PDE11A: variants seen among roughly 807,000 people sequenced by gnomAD.
The protein encoded by PDE11A is phosphodiesterase 11A.
A neutral mutation model predicts 100.5 loss-of-function variants in PDE11A; 100 were observed. That is an observed-to-expected ratio of 1.00 (90% CI 0.85 to 1.18). The LOEUF is 1.18. Among genes scored for constraint, PDE11A ranks in the 50% most tolerant of loss-of-function variants. The pLI is 0.00. For missense variants in PDE11A, 1,141 were observed against 1,152.6 expected, an observed-to-expected ratio of 0.99 and a Z score of 0.15; for synonymous variants, 381 against 420.8, an observed-to-expected ratio of 0.91 and a Z score of 1.16.
intron 2 of PDE11A, among the ~76,000 whole-genome samples, chr2:178,102,565 T>C (rs1313254686): frequency 6.7e-6 from 1 of 149,736 alleles, no homozygotes; most frequent in Non-Finnish European, 1.5e-5. Flanking sequence ...TAAGCCACCA[T>C]GCCCAGCCAT....
chr2:178,076,291 G>A (rs1168153260), upstream of PDE11A, among the ~76,000 whole-genome samples: 2 of 152,120 alleles, frequency 1.3e-5, no homozygotes, highest in Non-Finnish European at 2.9e-5. Flanking sequence ...CAAGAATGAG[G>A]AGTTCCTTTT....
At chr2:177,936,305 T>C (rs950658093) in intron 2 of PDE11A, among the ~76,000 whole-genome samples, 3 of 152,254 alleles carry the variant, frequency 2.0e-5, no homozygotes, top group African/African-American at 7.2e-5. Flanking sequence ...TTTTGGTATT[T>C]GTGTGACAAT....
upstream of PDE11A, chr2:178,073,118 C>G (rs1288968787): frequency 1.0e-6 from 1 of 968,200 alleles, no homozygotes; most frequent in African/African-American, 1.8e-5. Context: ...GTCCGAGATA[C>G]AAGTGTTGAT....
intron 18 of PDE11A, among the ~76,000 whole-genome samples, chr2:177,665,717 TGTG>T (rs113583691): frequency 6.6e-6 from 1 of 150,998 alleles, no homozygotes; most frequent in African/African-American, 2.4e-5. Flanking sequence ...ATTAGCTGGG[TGTG>T]GTGGTGGGCA....
At chr2:177,826,266 A>G (rs1304978267) in intron 6 of PDE11A, among the ~76,000 whole-genome samples, 3 of 152,240 alleles carry the variant, frequency 2.0e-5, no homozygotes, top group Non-Finnish European at 4.4e-5. Context: ...GGAGCCATCA[A>G]CATGTACTTG....
At chr2:177,835,146 G>A (rs1018027881) in intron 6 of PDE11A, among the ~76,000 whole-genome samples, 1 of 152,154 alleles carries the variant, frequency 6.6e-6, no homozygotes, top group Non-Finnish European at 1.5e-5. Flanking sequence ...ACCCTGTCAA[G>A]GTTGCCAGGA....
At chr2:177,909,011 A>G (rs2084834142) in intron 2 of PDE11A, among the ~76,000 whole-genome samples, 1 of 152,160 alleles carries the variant, frequency 6.6e-6, no homozygotes, top group Non-Finnish European at 1.5e-5. Context: ...GCACCCCTCA[A>G]TTTAGTCCTG....
At chr2:177,780,089 T>C (rs1464163379) in intron 9 of PDE11A, among the ~76,000 whole-genome samples, 1 of 152,172 alleles carries the variant, frequency 6.6e-6, no homozygotes, top group Non-Finnish European at 1.5e-5. Flanking sequence ...AGGTGCATTG[T>C]CAATTAGCAG....
intron 3 of PDE11A, among the ~76,000 whole-genome samples, chr2:177,902,447 T>A (rs2084712165): frequency 1.3e-5 from 2 of 152,228 alleles, no homozygotes; most frequent in Non-Finnish European, 2.9e-5. Flanking sequence ...CGGATGTGTG[T>A]GACAATATCC....
intron 13 of PDE11A, among the ~76,000 whole-genome samples, chr2:177,706,405 C>T (rs1183301063): frequency 1.3e-5 from 2 of 152,206 alleles, no homozygotes; most frequent in Admixed American, 6.5e-5. Context: ...ATTTCTCCCA[C>T]AATTCCTAGC....
intron 2 of PDE11A, among the ~76,000 whole-genome samples, chr2:177,945,615 C>T (rs1159640573): frequency 8.7e-5 from 13 of 149,720 alleles, no homozygotes; most frequent in Non-Finnish European, 1.5e-4. Flanking sequence ...AGGAGCCCCT[C>T]CGCCCGGCAG....
intron 2 of PDE11A, among the ~76,000 whole-genome samples, chr2:177,905,655 G>A (rs975078481): frequency 3.3e-5 from 5 of 152,138 alleles, no homozygotes; most frequent in Non-Finnish European, 5.9e-5. Context: ...ATCTGTAGCA[G>A]GGATTTCAGC....
intron 1 of PDE11A, among the ~76,000 whole-genome samples, chr2:178,066,939 C>T (rs1332909016): frequency 6.6e-6 from 1 of 152,174 alleles, no homozygotes; most frequent in African/African-American, 2.4e-5. Flanking sequence ...CCTGCTTTAC[C>T]ATCTTGCACT....
At chr2:178,108,015 A>C (rs1035129870) in intron 1 of PDE11A, among the ~76,000 whole-genome samples, 22 of 152,138 alleles carry the variant, frequency 1.4e-4, no homozygotes, top group African/African-American at 5.3e-4. Context: ...CCACCATGCC[A>C]AGCCAACAAT....
chr2:177,646,139 A>G (rs546081814), intron 19 of PDE11A, among the ~76,000 whole-genome samples: 1 of 152,252 alleles, frequency 6.6e-6, no homozygotes, highest in Non-Finnish European at 1.5e-5. Flanking sequence ...ATAGGGCAAG[A>G]GTCTGAAACT....
At chr2:177,785,534 G>A (rs553431133) in intron 9 of PDE11A, among the ~76,000 whole-genome samples, 90 of 151,052 alleles carry the variant, frequency 6.0e-4, no homozygotes, top group Non-Finnish European at 9.3e-4. Context: ...GACAGTGGGT[G>A]CAGGACAGTA....
intron 15 of PDE11A, among the ~76,000 whole-genome samples, chr2:177,689,940 G>A (rs2081018270): frequency 6.6e-6 from 1 of 152,150 alleles, no homozygotes; most frequent in Non-Finnish European, 1.5e-5. Flanking sequence ...CTTCCACACA[G>A]CCCTTCGCTG....
intron 15 of PDE11A, among the ~76,000 whole-genome samples, chr2:177,681,711 A>G (rs180772110): frequency 1.3e-5 from 2 of 152,344 alleles, no homozygotes; most frequent in Admixed American, 6.5e-5. Flanking sequence ...AGTACAGGCC[A>G]TGATGGGAAG....
chr2:178,011,388 A>G (rs1007434330), intron 2 of PDE11A, among the ~76,000 whole-genome samples: 1 of 152,072 alleles, frequency 6.6e-6, no homozygotes, highest in Admixed American at 6.6e-5. Context: ...TTATATGTGG[A>G]CTGGTCATTG....
Sources: allele counts gnomAD v4.1 joint callset (sites outside exome capture counted in the v4.1 genomes callset), GRCh38; gene constraint gnomAD v4.1.1; transcripts MANE v1.5; gene names NCBI Gene and HGNC (gene_info 2026-07-23, HGNC 2026-07-21).